MTFR1: variants seen among roughly 807,000 people sequenced by gnomAD.
MTFR1 encodes the protein mitochondrial fission regulator 1.
In MTFR1, 28 loss-of-function variants were observed where a neutral mutation model predicts 38.8. The ratio of observed to expected loss-of-function variants is 0.72; its 90% confidence interval spans 0.53 to 0.99. The LOEUF (loss-of-function observed/expected upper bound fraction) is 0.99, where lower values mean the gene tolerates loss of function less well. MTFR1 is among the 50% of genes least tolerant of loss of function. The pLI, the probability that MTFR1 is intolerant of heterozygous loss-of-function variation, is 0.00. For synonymous variants in MTFR1, 145 were observed against 137.0 expected (o/e 1.06, Z -0.41); for missense variants, 358 against 395.5 (o/e 0.91, Z 0.81).
chr8:65,694,191 C>T (rs1805367668), intron 4 of MTFR1, among the ~76,000 whole-genome samples: 1 of 151,562 alleles, frequency 6.6e-6, no homozygotes, highest in South Asian at 2.1e-4. Context: ...TCTCCTGCCT[C>T]AGCTTCCTGA....
chr8:65,708,861 C>T, intron 7 of MTFR1, 115 bp from the exon 8 acceptor site: 1 of 931,056 alleles, frequency 1.1e-6, no homozygotes, highest in Non-Finnish European at 1.7e-6. Flanking sequence ...CCAGTAGTTG[C>T]TTGGTTTTTC....
chr8:65,771,026 A>C (rs1421508647), exon 4 of MTFR1: 1 of 385,346 alleles, frequency 2.6e-6, no homozygotes, highest in Non-Finnish European at 5.1e-6. Context: ...ATAAGCCTTA[A>C]GAGAATAAGG....
chr8:65,645,563 TC>T (rs1016092069), intron 1 of MTFR1, among the ~76,000 whole-genome samples: 5 of 152,182 alleles, frequency 3.3e-5, no homozygotes, highest in African/African-American at 1.2e-4. Context: ...AGGGTCTCTG[TC>T]ACCCAGGCTG....
At chr8:65,760,288 T>C (rs992871557) in intron 3 of MTFR1, among the ~76,000 whole-genome samples, 1 of 152,222 alleles carries the variant, frequency 6.6e-6, no homozygotes, top group Admixed American at 6.5e-5. Flanking sequence ...AATAAATATA[T>C]GTAACATCAC....
At chr8:65,658,884 A>T (rs1809336749) in intron 1 of MTFR1, among the ~76,000 whole-genome samples, 1 of 152,140 alleles carries the variant, frequency 6.6e-6, no homozygotes, top group Non-Finnish European at 1.5e-5. Context: ...AAAATAGGTG[A>T]CAGGAAACAG....
chr8:65,685,034 T>G (rs116036782), intron 3 of MTFR1, among the ~76,000 whole-genome samples: 2,343 of 152,316 alleles, frequency 0.015, 71 homozygotes, highest in African/African-American at 0.053. Flanking sequence ...TGTCTGCTAC[T>G]TAAATGTTTT....
chr8:65,704,004 C>T (rs952376709), intron 4 of MTFR1, among the ~76,000 whole-genome samples: 17 of 151,866 alleles, frequency 1.1e-4, no homozygotes, highest in Non-Finnish European at 1.9e-4. Flanking sequence ...CTTTGAGCCA[C>T]GGAGTTATAC....
intron 3 of MTFR1, among the ~76,000 whole-genome samples, chr8:65,731,869 TATGGCTGACTCCTTA>T (rs1232924375): frequency 6.6e-6 from 1 of 152,204 alleles, no homozygotes; most frequent in Non-Finnish European, 1.5e-5. Context: ...TGGACTTTCT[TATGGCTGACTCCTTA>T]GTTATGTACT....
intron 1 of MTFR1, among the ~76,000 whole-genome samples, chr8:65,662,838 AC>A (rs1400182920): frequency 1.3e-5 from 2 of 148,728 alleles, no homozygotes; most frequent in East Asian, 2.0e-4. Flanking sequence ...CCGGCCATCC[AC>A]CTCGTCCGGA....
chr8:65,767,624 G>A (rs1201823047), intron 3 of MTFR1, among the ~76,000 whole-genome samples: 1 of 152,060 alleles, frequency 6.6e-6, no homozygotes, highest in Non-Finnish European at 1.5e-5. Flanking sequence ...GGGGAATCTG[G>A]GGGAAGGAAT....
At chr8:65,682,168 T>A in intron 2 of MTFR1, 185 bp from the exon 3 acceptor site, 1 of 274,298 alleles carries the variant, frequency 3.6e-6, no homozygotes. Context: ...AATATCTATC[T>A]CTCTATCTAT....
At chr8:65,648,480 GT>G (rs1809027728) in intron 1 of MTFR1, among the ~76,000 whole-genome samples, 1 of 152,172 alleles carries the variant, frequency 6.6e-6, no homozygotes, top group Non-Finnish European at 1.5e-5. Context: ...CAGGGCTGCT[GT>G]TTTAGGGACC....
chr8:65,760,878 G>A (rs1319082667), intron 3 of MTFR1, among the ~76,000 whole-genome samples: 1 of 152,134 alleles, frequency 6.6e-6, no homozygotes, highest in Non-Finnish European at 1.5e-5. Flanking sequence ...GGCCACTACA[G>A]AGAGGAAAGG....
At chr8:65,728,410 AG>A (rs1259932369) in intron 3 of MTFR1, 7 of 152,256 alleles carry the variant, frequency 4.6e-5, no homozygotes, top group African/African-American at 1.7e-4. Flanking sequence ...CATCTCAGTC[AG>A]AGAAATCACT....
intron 3 of MTFR1, among the ~76,000 whole-genome samples, chr8:65,759,850 G>A (rs1381753576): frequency 6.6e-6 from 1 of 151,732 alleles, no homozygotes. Context: ...ACCCCACCCT[G>A]GTACTCTAGA....
At chr8:65,705,006 T>G in intron 5 of MTFR1, 77 bp downstream of exon 5, 1 of 1,221,510 alleles carries the variant, frequency 8.2e-7, no homozygotes, top group Non-Finnish European at 1.2e-6. Flanking sequence ...TAAAATCAAT[T>G]AGTAACAGCT....
intron 2 of MTFR1, among the ~76,000 whole-genome samples, chr8:65,678,621 C>T (rs1031059146): frequency 3.9e-5 from 6 of 152,156 alleles, no homozygotes; most frequent in African/African-American, 1.4e-4. Context: ...GCTGAATCGG[C>T]TGGGCGTTGT....
chr8:65,682,861 T>A (rs997113055), intron 3 of MTFR1: 1 of 985,404 alleles, frequency 1.0e-6, no homozygotes, highest in Non-Finnish European at 1.2e-6. Context: ...GGATGCCATA[T>A]AAGTTGCTTT....
chr8:65,764,004 T>C (rs957347293), intron 3 of MTFR1, among the ~76,000 whole-genome samples: 3 of 152,258 alleles, frequency 2.0e-5, no homozygotes, highest in African/African-American at 4.8e-5. Context: ...GGTTCTTAAA[T>C]GTAGGCACTT....
Sources: allele counts gnomAD v4.1 joint callset (sites outside exome capture counted in the v4.1 genomes callset), GRCh38; gene constraint gnomAD v4.1.1; transcripts MANE v1.5; gene names NCBI Gene and HGNC (gene_info 2026-07-23, HGNC 2026-07-21).